Variants in PCSK5 observed in about 807,000 individuals in gnomAD.
The protein encoded by PCSK5 is prohormone convertase 5.
Under a neutral mutation model 233.2 loss-of-function variants are expected in PCSK5, and 129 were observed. The observed-to-expected ratio is 0.55, with a 90% CI of 0.48 to 0.64. The LOEUF is 0.64. Ranked by LOEUF, PCSK5 falls within the 30% of genes least tolerant of loss-of-function variation. The probability of loss-of-function intolerance (pLI) is 0.00; values close to 1 mark genes in which losing one functional copy is unlikely to be tolerated. For missense variants in PCSK5, 2,076 were observed against 2,430.1 expected, an observed-to-expected ratio of 0.85 and a Z score of 3.06; for synonymous variants, 825 against 879.2, an observed-to-expected ratio of 0.94 and a Z score of 1.09.
intron 24 of PCSK5, among the ~76,000 whole-genome samples, chr9:76,259,520 G>A (rs1485133976): frequency 6.6e-6 from 1 of 151,446 alleles, no homozygotes; most frequent in Admixed American, 6.6e-5. Context: ...AATTCTAGCA[G>A]ATCAGATATA....
intron 5 of PCSK5, among the ~76,000 whole-genome samples, chr9:76,063,226 C>A (rs1478137344): frequency 6.6e-6 from 1 of 151,416 alleles, no homozygotes; most frequent in Admixed American, 6.6e-5. Flanking sequence ...CCTTGATCTC[C>A]CGGGCTTAAG....
At chr9:76,276,212 T>C (rs1223678419) in intron 24 of PCSK5, among the ~76,000 whole-genome samples, 1 of 152,014 alleles carries the variant, frequency 6.6e-6, no homozygotes, top group Non-Finnish European at 1.5e-5. Context: ...AGGATATTCC[T>C]AAAAATATAT....
chr9:76,196,706 T>G (rs1440341844), intron 20 of PCSK5, among the ~76,000 whole-genome samples: 2 of 152,196 alleles, frequency 1.3e-5, no homozygotes, highest in Non-Finnish European at 2.9e-5. Flanking sequence ...CTACACAATG[T>G]GAGAATATAG....
chr9:76,044,918 T>G (rs755671978), intron 5 of PCSK5, among the ~76,000 whole-genome samples: 3 of 152,198 alleles, frequency 2.0e-5, no homozygotes, highest in Non-Finnish European at 4.4e-5. Flanking sequence ...ATTTAAATAG[T>G]CTATTTAAAG....
chr9:76,335,800 A>C (rs1278121445), intron 34 of PCSK5, among the ~76,000 whole-genome samples: 1 of 152,246 alleles, frequency 6.6e-6, no homozygotes, highest in Non-Finnish European at 1.5e-5. Flanking sequence ...AAGAGTTACA[A>C]AGTATTTCCA....
At position 76,310,840 on chromosome 9, in the gene PCSK5, C is replaced by A; in HGVS notation, c.3873C>A (p.Ser1291=). 6.3e-7 allele frequency: 1 copy of A among 1,595,938 alleles called. No homozygotes were observed. Among genetic ancestry groups the A allele is most frequent in the Non-Finnish European group, 8.5e-7 (1 of 1,172,970 alleles). ...PLFLHEGRCY[S]KCPEGSYAED... is the part of the protein sequence containing the mutation. ...TCCTCCATGAAGGCAGGTGCTACTCCAAGTGCCCGGAGTAAGTTTCCTTTT... is the reference window on the plus strand; with the variant it reads ...TCCTCCATGAAGGCAGGTGCTACTCAAAGTGCCCGGAGTAAGTTTCCTTTT... Residue 1291 remains serine (S), a synonymous_variant, in exon 30 of 38, where the codon TCC becomes TCA. Transcript: ENST00000674117.
intron 3 of PCSK5, among the ~76,000 whole-genome samples, chr9:75,999,338 A>G (rs984793716): frequency 6.6e-6 from 1 of 152,104 alleles, no homozygotes; most frequent in Admixed American, 6.5e-5. Context: ...AAAGACACAC[A>G]CACACACAGA....
intron 3 of PCSK5, among the ~76,000 whole-genome samples, chr9:75,999,288 G>T (rs1166537868): frequency 2.6e-5 from 4 of 152,002 alleles, no homozygotes; most frequent in Admixed American, 2.0e-4. Context: ...TCAATGTGGA[G>T]TCGGTCGGGA....
At chr9:75,973,728 G>A (rs1209904215) in intron 2 of PCSK5, among the ~76,000 whole-genome samples, 1 of 152,194 alleles carries the variant, frequency 6.6e-6, no homozygotes, top group African/African-American at 2.4e-5. Flanking sequence ...TAAAGCAGGT[G>A]CCAGAAATTT....
chr9:76,248,820 G>A (rs192124738), intron 24 of PCSK5, among the ~76,000 whole-genome samples: 2 of 152,320 alleles, frequency 1.3e-5, no homozygotes, highest in East Asian at 3.9e-4. Flanking sequence ...GGGTCCCCCT[G>A]TCATCCAGGT....
intron 12 of PCSK5, among the ~76,000 whole-genome samples, chr9:76,163,290 G>A (rs1004342272): frequency 2.0e-5 from 3 of 152,194 alleles, no homozygotes; most frequent in Admixed American, 6.5e-5. Flanking sequence ...TGGGCCGTCT[G>A]GAGCCCCTCA....
At chr9:76,296,910 C>A in intron 27 of PCSK5, 45 bp downstream of exon 27, 1 of 1,193,086 alleles carries the variant, frequency 8.4e-7, no homozygotes, top group Non-Finnish European at 1.2e-6. Flanking sequence ...TAGCGACCTA[C>A]TCTGCTTCCC....
intron 34 of PCSK5, among the ~76,000 whole-genome samples, chr9:76,335,766 TA>T (rs1464376907): frequency 6.6e-6 from 1 of 152,176 alleles, no homozygotes; most frequent in African/African-American, 2.4e-5. Context: ...AAACAGTAGG[TA>T]AAAAAACTTT....
chr9:75,919,783 C>A (rs752101707), intron 1 of PCSK5, among the ~76,000 whole-genome samples: 2 of 152,216 alleles, frequency 1.3e-5, no homozygotes, highest in African/African-American at 2.4e-5. Flanking sequence ...TGCTGCTCTT[C>A]CCCTAGTCTG....
chr9:76,311,906 G>T (rs1277549687), intron 30 of PCSK5, among the ~76,000 whole-genome samples: 6 of 152,096 alleles, frequency 3.9e-5, no homozygotes, highest in Non-Finnish European at 7.4e-5. Flanking sequence ...CCAGGAAAGG[G>T]GATGTTTCCC....
chr9:75,961,177 G>A (rs1825337428), intron 2 of PCSK5, among the ~76,000 whole-genome samples: 1 of 152,172 alleles, frequency 6.6e-6, no homozygotes, highest in Non-Finnish European at 1.5e-5. Flanking sequence ...TCACTGCATC[G>A]GGTGCCTCTT....
chr9:75,939,214 T>C (rs190963799), intron 2 of PCSK5, among the ~76,000 whole-genome samples: 1 of 152,352 alleles, frequency 6.6e-6, no homozygotes, highest in African/African-American at 2.4e-5. Flanking sequence ...GTTAACATTA[T>C]GTTATGATTA....
At chr9:76,340,986 G>A (rs1454017260) in intron 35 of PCSK5, among the ~76,000 whole-genome samples, 1 of 151,930 alleles carries the variant, frequency 6.6e-6, no homozygotes, top group East Asian at 1.9e-4. Flanking sequence ...AGGCTGAGGT[G>A]GGAGGATCAC....
At chr9:76,068,638 A>C (rs1490846173) in intron 6 of PCSK5, among the ~76,000 whole-genome samples, 1 of 152,222 alleles carries the variant, frequency 6.6e-6, no homozygotes, top group Non-Finnish European at 1.5e-5. Context: ...ACTTACTATA[A>C]GGACCCAGCC....
Sources: gnomAD v4.1 joint callset for allele counts (sites outside exome capture counted in the v4.1 genomes callset) on GRCh38, gnomAD v4.1.1 for gene constraint, MANE v1.5 for transcripts, NCBI Gene and HGNC (gene_info 2026-07-23, HGNC 2026-07-21) for gene names.